ATXN1: variants seen among roughly 807,000 people sequenced by gnomAD.
ATXN1 encodes ataxin 1.
ATXN1 carries 8 observed loss-of-function variants against 56.4 expected under a neutral mutation model. The observed-to-expected ratio is 0.14, with a 90% CI of 0.08 to 0.26. The LOEUF is 0.26. ATXN1 is among the 10% of genes least tolerant of loss of function. ATXN1 has a pLI of 1.00. For synonymous variants in ATXN1, 514 were observed against 494.6 expected, an observed-to-expected ratio of 1.04 and a Z score of -0.52; for missense variants, 987 against 1,106.5, an observed-to-expected ratio of 0.89 and a Z score of 1.53.
chr6:16,567,292 A>G (rs1302477974), intron 4 of ATXN1, among the ~76,000 whole-genome samples: 1 of 152,170 alleles, frequency 6.6e-6, no homozygotes, highest in East Asian at 1.9e-4. Flanking sequence ...ATACCACAAA[A>G]TGCATAAAAT....
chr6:16,398,089 C>CT lies in ATXN1; in HGVS notation c.-160-69620dup, dbSNP rs201463733. 1.5e-4 allele frequency among the ~76,000 whole-genome samples: 23 copies of CT among 152,104 alleles called. No homozygotes were observed. In the East Asian group the frequency reaches 4.1e-3, roughly 27 times the overall value. ...ATGCCAATCTGTCATGAAAATGGGA[C>CT]TTTTTTTTCAAAAGGTCAACATCTG... On this transcript the variant is annotated intron_variant, in intron 6 of 7. Coordinates refer to ENST00000436367, the MANE Select transcript of ATXN1 (RefSeq NM_001128164.2).
At chr6:16,373,833 T>G (rs555980865) in intron 6 of ATXN1, among the ~76,000 whole-genome samples, 1 of 152,314 alleles carries the variant, frequency 6.6e-6, no homozygotes, top group African/African-American at 2.4e-5. Flanking sequence ...TACCTAGGCT[T>G]GGGTATGTCT....
At chr6:16,728,625 G>C (rs1443170330) in intron 2 of ATXN1, among the ~76,000 whole-genome samples, 1 of 152,160 alleles carries the variant, frequency 6.6e-6, no homozygotes, top group Non-Finnish European at 1.5e-5. Context: ...CATCATAGCA[G>C]GTGAAGTGTG....
chr6:16,399,858 G>C (rs1216557025), intron 6 of ATXN1, among the ~76,000 whole-genome samples: 1 of 152,186 alleles, frequency 6.6e-6, no homozygotes, highest in Non-Finnish European at 1.5e-5. Flanking sequence ...CTGCTCTAAA[G>C]GGAAGCAGAA....
rs374534258 is a variant in ATXN1 at position 16,561,874 on chromosome 6, A to G, written c.-361+23906T>C. Among the ~76,000 whole-genome samples, 94 of 152,292 alleles carry G rather than the reference A, an allele frequency of 6.2e-4. 3 individuals are homozygous for G. In the South Asian group the frequency reaches 0.019, roughly 31 times the overall value. On this transcript the variant is annotated intron_variant, in intron 4 of 7. Transcript: ENST00000436367. The stretch of plus-strand genomic sequence containing the variant: ...TGGGGAAGCCTGGGCTGCAATGAGT[A>G]AGGTTAGGAAGGTAGGCTGTAACCA...
intron 6 of ATXN1, among the ~76,000 whole-genome samples, chr6:16,368,079 A>C (rs1431012666): frequency 6.6e-6 from 1 of 152,098 alleles, no homozygotes; most frequent in Admixed American, 6.5e-5. Flanking sequence ...CTGAGGCAGG[A>C]CAATTGCTCG....
At chr6:16,573,799 A>G (rs1188012706) in intron 4 of ATXN1, among the ~76,000 whole-genome samples, 1 of 152,076 alleles carries the variant, frequency 6.6e-6, no homozygotes, top group Non-Finnish European at 1.5e-5. Context: ...TGTGCCTACA[A>G]TGACCCCTCA....
chr6:16,572,086 T>A (rs1455456032), intron 4 of ATXN1, among the ~76,000 whole-genome samples: 1 of 152,198 alleles, frequency 6.6e-6, no homozygotes, highest in Non-Finnish European at 1.5e-5. Flanking sequence ...CATAAAGGTA[T>A]TTGAAGTTTA....
At chr6:16,573,750 A>T (rs1421740783) in intron 4 of ATXN1, among the ~76,000 whole-genome samples, 1 of 152,144 alleles carries the variant, frequency 6.6e-6, no homozygotes, top group Admixed American at 6.5e-5. Context: ...CATGCAGGCC[A>T]TCTGTGTCCC....
intron 7 of ATXN1, among the ~76,000 whole-genome samples, chr6:16,325,656 T>C (rs754648510): frequency 6.6e-6 from 1 of 151,450 alleles, no homozygotes; most frequent in Non-Finnish European, 1.5e-5. Flanking sequence ...CCTCTTGGTG[T>C]AGAGTGCCCT....
chr6:16,509,295 G>T (rs1269854842), intron 5 of ATXN1, among the ~76,000 whole-genome samples: 1 of 152,116 alleles, frequency 6.6e-6, no homozygotes, highest in Non-Finnish European at 1.5e-5. Context: ...TCAACTACAG[G>T]TTTCTTACCT....
At chr6:16,739,703 G>A in intron 2 of ATXN1, 1 of 427,252 alleles carries the variant, frequency 2.3e-6, no homozygotes, top group African/African-American at 2.0e-5. Context: ...CAGACTATGG[G>A]ACAGCTAAAA....
intron 6 of ATXN1, among the ~76,000 whole-genome samples, chr6:16,350,658 G>A (rs1237885556): frequency 6.6e-6 from 1 of 152,168 alleles, no homozygotes; most frequent in Non-Finnish European, 1.5e-5. Flanking sequence ...GCCAAAGACG[G>A]GTCTGCCCTT....
chr6:16,357,262 T>A (rs28678013), intron 6 of ATXN1, among the ~76,000 whole-genome samples: 3 of 147,072 alleles, frequency 2.0e-5, no homozygotes, highest in Non-Finnish European at 4.4e-5. Flanking sequence ...ATTTTATTTA[T>A]TTTATTTTAT....
At chr6:16,559,710 T>C (rs1762080102) in intron 4 of ATXN1, among the ~76,000 whole-genome samples, 1 of 152,200 alleles carries the variant, frequency 6.6e-6, no homozygotes, top group South Asian at 2.1e-4. Context: ...ACATCTATCG[T>C]ACCTTCTGTA....
intron 4 of ATXN1, among the ~76,000 whole-genome samples, chr6:16,574,500 C>T (rs890986454): frequency 6.6e-6 from 1 of 152,174 alleles, no homozygotes; most frequent in Non-Finnish European, 1.5e-5. Context: ...TGAGCCACCG[C>T]ACCCGGCCTA....
chr6:16,732,522 G>A (rs1760013890), intron 2 of ATXN1, among the ~76,000 whole-genome samples: 1 of 152,032 alleles, frequency 6.6e-6, no homozygotes, highest in South Asian at 2.1e-4. Context: ...AATAAGCCGA[G>A]ATGGCACCAC....
intron 6 of ATXN1, among the ~76,000 whole-genome samples, chr6:16,404,759 T>C (rs1350921991): frequency 5.3e-5 from 8 of 152,212 alleles, no homozygotes; most frequent in African/African-American, 1.9e-4. Context: ...TCCTGTGAAA[T>C]GTCACTGTTC....
chr6:16,436,583 G>A (rs1759395907), intron 6 of ATXN1, among the ~76,000 whole-genome samples: 1 of 152,060 alleles, frequency 6.6e-6, no homozygotes, highest in Non-Finnish European at 1.5e-5. Flanking sequence ...GTGGTGACTG[G>A]GGGAAGAGCC....
Sources: gnomAD v4.1 joint callset for allele counts (sites outside exome capture counted in the v4.1 genomes callset) on GRCh38, gnomAD v4.1.1 for gene constraint, MANE v1.5 for transcripts, NCBI Gene and HGNC (gene_info 2026-07-23, HGNC 2026-07-21) for gene names.